Variants in DCAKD observed in about 807,000 individuals in gnomAD.
The protein encoded by DCAKD is dephospho-CoA kinase domain-containing protein.
A neutral mutation model predicts 18.7 loss-of-function variants in DCAKD; 15 were observed. The observed-to-expected ratio is 0.80, with a 90% confidence interval of 0.54 to 1.24. The LOEUF is 1.24. Ranked by LOEUF, DCAKD falls within the 50% of genes most tolerant of loss-of-function variation. DCAKD has a pLI of 0.00. For synonymous variants in DCAKD, 130 were observed against 133.0 expected (o/e 0.98, Z 0.16); for missense variants, 301 against 322.0 (o/e 0.93, Z 0.50).
chr17:45,058,967 G>A (rs62065831), intron 1 of DCAKD, among the ~76,000 whole-genome samples: 23,403 of 152,064 alleles, frequency 0.15, 2,075 homozygotes, highest in Non-Finnish European at 0.2. Context: ...TTGGCCGGGC[G>A]CGGTGGCTCA....
At chr17:45,030,989 G>A (rs1007959913) in intron 3 of DCAKD, 5 of 985,442 alleles carry the variant, frequency 5.1e-6, no homozygotes, top group South Asian at 4.7e-5. Context: ...CACGCTCCTC[G>A]TTCTTTTTAG....
intron 1 of DCAKD, among the ~76,000 whole-genome samples, chr17:45,057,577 C>G (rs1015555877): frequency 3.3e-5 from 5 of 151,312 alleles, no homozygotes; most frequent in Non-Finnish European, 5.9e-5. Context: ...GCGGTGTGTG[C>G]CTGTAATCCC....
Position 45,051,606 on chromosome 17 carries a change from C to A in DCAKD, c.-360G>T, listed in dbSNP as rs970705376. ...CGCCTCTAGCCCAATCTCCGCAGCG[C>A]TTACAGGCCGGCTCAGCGGGCGAGG... is the stretch of plus-strand genomic sequence containing the variant. On this transcript the variant is annotated 5_prime_UTR_variant, in exon 1 of 5. Coordinates refer to ENST00000651974, the MANE Select transcript of DCAKD (RefSeq NM_001288655.2). The A allele has an allele frequency of 1.3e-4, 20 of 151,166 alleles. No individual in the cohort carries two copies. The East Asian group carries it at 3.6e-3, about 27-fold the overall frequency. 9.4% of individuals were successfully genotyped at this position (151,166 alleles called of 1,614,324 possible). A position where few individuals can be genotyped will look rare whatever the true frequency, so the allele number is the denominator to read the frequency against.
intron 1 of DCAKD, among the ~76,000 whole-genome samples, chr17:45,037,694 A>T (rs960665506): frequency 6.6e-6 from 1 of 151,804 alleles, no homozygotes; most frequent in Non-Finnish European, 1.5e-5. Context: ...TCCTGACCTC[A>T]GGTGATCCAC....
intron 4 of DCAKD, among the ~76,000 whole-genome samples, chr17:45,028,237 T>C (rs943462368): frequency 2.7e-5 from 4 of 150,212 alleles, no homozygotes; most frequent in African/African-American, 7.4e-5. Flanking sequence ...GCCTCCCGAG[T>C]AGCTGGGACT....
intron 4 of DCAKD, among the ~76,000 whole-genome samples, chr17:45,025,744 C>CTT (rs66731834): frequency 4.3e-4 from 45 of 103,762 alleles, no homozygotes; most frequent in East Asian, 1.1e-3. Context: ...TTGGTTCCTT[C>CTT]TTTTTTTTTT....
upstream of DCAKD, among the ~76,000 whole-genome samples, chr17:45,055,364 T>G (rs1249939895): frequency 8.9e-5 from 2 of 22,470 alleles, no homozygotes; most frequent in Non-Finnish European, 2.2e-4. Flanking sequence ...TTCTGTACGT[T>G]TATTTATTTA....
chr17:45,043,832 G>A (rs1056734130), intron 1 of DCAKD, among the ~76,000 whole-genome samples: 27 of 151,892 alleles, frequency 1.8e-4, no homozygotes, highest in Non-Finnish European at 3.5e-4. Flanking sequence ...CCTTCCACTT[G>A]TATAGGCCAA....
chr17:45,027,730 G>A (rs2053083905), intron 4 of DCAKD, among the ~76,000 whole-genome samples: 1 of 152,092 alleles, frequency 6.6e-6, no homozygotes, highest in African/African-American at 2.4e-5. Context: ...GCTCATGCCT[G>A]TAATCCCAGC....
chr17:45,029,837 A>G (rs921718811), intron 4 of DCAKD, among the ~76,000 whole-genome samples: 1 of 151,996 alleles, frequency 6.6e-6, no homozygotes, highest in African/African-American at 2.4e-5. Flanking sequence ...TCTGGGCTGA[A>G]GTGCCTGCAA....
intron 1 of DCAKD, among the ~76,000 whole-genome samples, chr17:45,040,915 G>T (rs2053419967): frequency 1.3e-5 from 2 of 152,200 alleles, no homozygotes; most frequent in South Asian, 4.2e-4. Flanking sequence ...TACATTCAGA[G>T]AATGGTCTGT....
chr17:45,048,680 C>G (rs2053625745), intron 1 of DCAKD, among the ~76,000 whole-genome samples: 1 of 151,558 alleles, frequency 6.6e-6, no homozygotes, highest in South Asian at 2.1e-4. Flanking sequence ...GTGGCATGCA[C>G]CTGTAATCCC....
chr17:45,029,631 C>T (rs1263979250), intron 4 of DCAKD, among the ~76,000 whole-genome samples: 1 of 152,160 alleles, frequency 6.6e-6, no homozygotes, highest in African/African-American at 2.4e-5. Flanking sequence ...ACCTTCTGTT[C>T]GTAACAGGTG....
intron 1 of DCAKD, among the ~76,000 whole-genome samples, chr17:45,045,384 G>A (rs2053543339): frequency 6.6e-6 from 1 of 152,106 alleles, no homozygotes; most frequent in Non-Finnish European, 1.5e-5. Context: ...CTCTAAATCT[G>A]GGTACTGCTG....
rs773450651 is a variant in DCAKD, at chr17:45,034,805, C to T, written c.81G>A (p.Ala27=). The T allele has an allele frequency of 3.1e-5, 50 of 1,614,094 alleles. No individual in the cohort carries two copies. The highest frequency in any genetic ancestry group is 5.0e-5 in the Admixed American group (3 of 60,002). The stretch of plus-strand genomic sequence containing the variant: ...GGGCCATCACGTCCACGTCAATCAC[C>T]GCACAGCCCAGCTGCTGGAACACCT... The part of the protein sequence containing the change: ...VIQVFQQLGC[A]VIDVDVMARH... Residue 27 remains alanine, a synonymous_variant, in exon 2 of 5, where the codon GCG becomes GCA. Transcript: ENST00000651974.
At chr17:45,030,269 C>G in intron 3 of DCAKD, 90 bp from the exon 4 acceptor site, 1 of 1,194,358 alleles carries the variant, frequency 8.4e-7, no homozygotes, top group Non-Finnish European at 1.2e-6. Flanking sequence ...CCAGAGCGCC[C>G]AGCAGAGGGG....
At chr17:45,031,930 G>A in intron 3 of DCAKD, 1 of 985,448 alleles carries the variant, frequency 1.0e-6, no homozygotes, top group Non-Finnish European at 1.2e-6. Context: ...AGCCACAGCT[G>A]TCGTCCTCAT....
chr17:45,037,705 C>T (rs2053334751), intron 1 of DCAKD, among the ~76,000 whole-genome samples: 2 of 148,574 alleles, frequency 1.3e-5, no homozygotes, highest in Admixed American at 1.3e-4. Flanking sequence ...GGTGATCCAC[C>T]CACCTCAGCC....
intron 1 of DCAKD, among the ~76,000 whole-genome samples, chr17:45,040,093 T>C (rs1220985037): frequency 1.6e-5 from 2 of 121,694 alleles, no homozygotes; most frequent in East Asian, 4.7e-4. Context: ...AGACTCCATC[T>C]CAAAAAAAAA....
Sources: allele counts gnomAD v4.1 joint callset (sites outside exome capture counted in the v4.1 genomes callset), GRCh38; gene constraint gnomAD v4.1.1; transcripts MANE v1.5; gene names NCBI Gene and HGNC (gene_info 2026-07-23, HGNC 2026-07-21).